Variants in TAF9B observed in about 807,000 individuals in gnomAD.
TAF9B encodes TATA-box binding protein associated factor 9b.
In TAF9B, 47 loss-of-function variants were observed where a neutral mutation model predicts 17.6. That is an observed-to-expected ratio of 2.68 (90% CI 2.12 to 3.41). The LOEUF is 3.41. TAF9B is among the 30% of genes most tolerant of loss of function. The pLI is 0.00. For synonymous variants in TAF9B, 84 were observed against 68.7 expected, an observed-to-expected ratio of 1.22 and a Z score of -1.10; for missense variants, 218 against 189.3, an observed-to-expected ratio of 1.15 and a Z score of -0.89.
intron 5 of TAF9B, among the ~76,000 whole-genome samples, chrX:78,136,390 G>A (rs1202900861): frequency 1.8e-5 from 2 of 111,899 alleles, no homozygotes; most frequent in African/African-American, 6.5e-5. Flanking sequence ...ATGCAGATAC[G>A]TCAAAAGGAC....
chrX:78,139,407 G>A (rs1247045037), intron 1 of TAF9B, among the ~76,000 whole-genome samples, 154 bp downstream of exon 1: 1 of 112,316 alleles, frequency 8.9e-6, no homozygotes, highest in Non-Finnish European at 1.9e-5. Context: ...GGGCCCGGGG[G>A]CCAGGGCGCA....
Position 78,137,747 on chromosome X carries a change from AC to A in TAF9B, c.405+1del, listed in dbSNP as rs2078439357. The A allele has an allele frequency of 8.5e-7, 1 of 1,181,507 alleles. No individual in the cohort carries two copies. On this transcript the variant is annotated splice_donor_variant, in intron 4 of 6. Transcript: ENST00000341864. LOFTEE classifies it high-confidence loss of function. ...AAAGAAAAGTTGACTAAAATTTCTT[AC>A]CTTTTTAATTAAGGACTTCAGCCTA...
intron 1 of TAF9B, 35 bp downstream of exon 1, chrX:78,139,525 TG>T: frequency 8.3e-7 from 1 of 1,210,229 alleles, no homozygotes; most frequent in Non-Finnish European, 1.1e-6. Context: ...TGGCTGCACC[TG>T]GCTTCGCGAT....
chrX:78,136,294 G>C (rs1402461385), intron 5 of TAF9B, among the ~76,000 whole-genome samples: 1 of 111,775 alleles, frequency 8.9e-6, no homozygotes, highest in Non-Finnish European at 1.9e-5. Flanking sequence ...TGGACAAGTG[G>C]ATGATTCTAG....
At chrX:78,137,057 G>A in intron 4 of TAF9B, 67 bp from the exon 5 acceptor site, 1 of 799,503 alleles carries the variant, frequency 1.3e-6, no homozygotes, top group Non-Finnish European at 1.9e-6. Context: ...ATGAAATTAG[G>A]ATTGCTGATG....
At chrX:78,136,217 C>T (rs782749439) in intron 5 of TAF9B, among the ~76,000 whole-genome samples, 2 of 111,353 alleles carry the variant, frequency 1.8e-5, no homozygotes, top group East Asian at 5.6e-4. Context: ...ATCTAAACAA[C>T]AATATTAAAA....
chrX:78,138,720 C>CT (rs2078444212), intron 2 of TAF9B, 123 bp downstream of exon 2: 1 of 586,330 alleles, frequency 1.7e-6, no homozygotes, highest in Admixed American at 2.9e-5. Flanking sequence ...GCGCCACTGC[C>CT]TTCTAGCCTG....
Position 78,137,679 on chromosome X carries a change from T to C in TAF9B, c.405+70A>G, listed in dbSNP as rs189557939. Reference sequence around the variant, plus strand: ...TAATCTACTATACTAGCTACAGGAATTTGCTTTTCACAAAGTCCCCTATCA... The same window carrying C: ...TAATCTACTATACTAGCTACAGGAACTTGCTTTTCACAAAGTCCCCTATCA... On this transcript the variant is annotated intron_variant, in intron 4 of 6. Transcript: ENST00000341864. The C allele has an allele frequency of 9.9e-5, 100 of 1,007,013 alleles. No individual in the cohort carries two copies. The East Asian group carries it at 2.7e-3, about 27-fold the overall frequency. 83.0% of individuals were successfully genotyped at this position (1,007,013 alleles called of 1,213,427 possible).
chrX:78,137,086 C>T, intron 4 of TAF9B, 96 bp from the exon 5 acceptor site: 1 of 636,612 alleles, frequency 1.6e-6, no homozygotes, highest in Admixed American at 2.9e-5. Flanking sequence ...TATGGATAAT[C>T]CATGGCAAGA....
intron 5 of TAF9B, among the ~76,000 whole-genome samples, chrX:78,134,938 C>G (rs113286856): frequency 0.27 from 28,391 of 106,492 alleles, 3,120 homozygotes; most frequent in East Asian, 0.38. Context: ...GGTCTTAAGT[C>G]TATATAAATC....
chrX:78,130,821 A>G lies in TAF9B; in HGVS notation c.*789T>C, dbSNP rs1312394333. 4 of 112,457 alleles carry G rather than the reference A, an allele frequency of 3.6e-5. No homozygotes were observed. The highest frequency in any genetic ancestry group is 3.6e-4 in the South Asian group (1 of 2,763). 9.3% of individuals were successfully genotyped at this position (112,457 alleles called of 1,213,427 possible). A position where few individuals can be genotyped will look rare whatever the true frequency, so the allele number is the denominator to read the frequency against. On this transcript the variant is annotated 3_prime_UTR_variant, in exon 7 of 7. Coordinates refer to ENST00000341864, the MANE Select transcript of TAF9B (RefSeq NM_015975.5). ...CACAGTAAAGCTTAACAGGCATAAAAACTAAGGGGTAAAACCCAACTGCTC... is the reference window on the plus strand; with the variant it reads ...CACAGTAAAGCTTAACAGGCATAAAGACTAAGGGGTAAAACCCAACTGCTC...
chrX:78,137,074 A>C, intron 4 of TAF9B, 84 bp from the exon 5 acceptor site: 1 of 695,333 alleles, frequency 1.4e-6, no homozygotes, highest in Non-Finnish European at 2.2e-6. Flanking sequence ...GATGTAAATG[A>C]TTATGGATAA....
intron 2 of TAF9B, 139 bp from the exon 3 acceptor site, chrX:78,138,237 T>C: frequency 2.9e-6 from 2 of 690,428 alleles, no homozygotes; most frequent in Non-Finnish European, 4.3e-6. Context: ...GGTCTCGCTA[T>C]GTTGCCCAGG....
At chrX:78,135,107 C>T (rs947438220) in intron 5 of TAF9B, among the ~76,000 whole-genome samples, 3 of 105,198 alleles carry the variant, frequency 2.9e-5, no homozygotes, top group East Asian at 3.1e-4. Flanking sequence ...CACCCGCCAC[C>T]ATGCCTGGCT....
chrX:78,138,876 T>G lies in TAF9B; in HGVS notation c.100A>C (p.Arg34=). Residue 34 remains arginine, a synonymous_variant, in exon 2 of 7, where the codon AGG becomes CGG. Transcript: ENST00000341864. ...KDMGITEYEP[R]VINQMLEFAF... ...AATTCCAACATTTGATTTATAACCC[T>G]TGGTTCATACTCTGTGATTCCCATA... The G allele has an allele frequency of 8.3e-7, 1 of 1,209,860 alleles. No homozygotes were observed. The highest frequency in any genetic ancestry group is 1.7e-5 in the African/African-American group (1 of 57,963).
In TAF9B at chrX:78,131,601, C is replaced by T; in HGVS notation, c.*9G>A. On this transcript the variant is annotated 3_prime_UTR_variant, in exon 7 of 7. Transcript: ENST00000341864. ...CCTTTTGAAATGCATCTAGACTAGA[C>T]TATATTCCTTACATAATATCATTGT... 1 of 1,206,732 alleles carries T rather than the reference C, an allele frequency of 8.3e-7. No individual in the cohort carries two copies. Among genetic ancestry groups the T allele is most frequent in the South Asian group, 1.8e-5 (1 of 56,434 alleles).
Position 78,138,016 on chromosome X carries a change from T to C in TAF9B, c.216A>G (p.Arg72=). The change falls in exon 3 of 7, where the codon AGA becomes AGG. Residue 72 remains arginine (R), a synonymous_variant. Transcript: ENST00000341864. ...GGTCAGCACGACACTGGATTGCCAG[T>C]CTCACATCATCTGCATCAACATTAG... ...KKPNVDADDV[R]LAIQCRADQS... is the part of the protein sequence containing the mutation. 1 of 1,209,845 alleles carries C rather than the reference T, an allele frequency of 8.3e-7. No individual in the cohort carries two copies. The highest frequency in any genetic ancestry group is 1.8e-5 in the South Asian group (1 of 56,620).
Position 78,131,322 on chromosome X carries a change from C to G in TAF9B, c.*288G>C, listed in dbSNP as rs183764872. On this transcript the variant is annotated 3_prime_UTR_variant, in exon 7 of 7. Coordinates refer to ENST00000341864, the MANE Select transcript of TAF9B (RefSeq NM_015975.5). ...TGTAGAATCTGAAACTTAAATGCTACTATCAGTGATAGAAGGCAGAAAAGT... is the reference window on the plus strand; with the variant it reads ...TGTAGAATCTGAAACTTAAATGCTAGTATCAGTGATAGAAGGCAGAAAAGT... 11 of 182,199 alleles carry G rather than the reference C, an allele frequency of 6.0e-5. No individual in the cohort carries two copies. Among genetic ancestry groups the G allele is most frequent in the African/African-American group, 9.0e-5 (3 of 33,455 alleles). The allele number at this position is 182,199 out of a possible 1,213,427, so 15.0% of individuals were successfully genotyped here.
In TAF9B at chrX:78,131,651, T is replaced by A. The variant is rs182359534; in HGVS notation, c.715A>T (p.Lys239Ter). The A allele has an allele frequency of 8.3e-7, 1 of 1,209,664 alleles. No individual in the cohort carries two copies. The highest frequency in any genetic ancestry group is 1.1e-6 in the Non-Finnish European group (1 of 894,838). Residue 239 changes from lysine to a stop codon, truncating the protein, a stop_gained, in exon 7 of 7, where the codon AAG becomes TAG. Coordinates refer to ENST00000341864, the MANE Select transcript of TAF9B (RefSeq NM_015975.5). LOFTEE classifies it high-confidence loss of function. ...TCATCATCATCTTCATGTTTTCTCT[T>A]CAGTGGGTTTGCTTCATTGGCTGTG... ...QNTANEANPL[K>*]RKHEDDDDND...
Sources: allele counts gnomAD v4.1 joint callset (sites outside exome capture counted in the v4.1 genomes callset), GRCh38; gene constraint gnomAD v4.1.1; transcripts MANE v1.5; gene names NCBI Gene and HGNC (gene_info 2026-07-23, HGNC 2026-07-21).